PLA2G4A: variants seen among roughly 807,000 people sequenced by gnomAD.
The protein encoded by PLA2G4A is cytosolic phospholipase A2.
Under a neutral mutation model 81.9 loss-of-function variants are expected in PLA2G4A, and 40 were observed. The ratio of observed to expected loss-of-function variants is 0.49; its 90% CI spans 0.38 to 0.64. The LOEUF is 0.64. Ranked by LOEUF, PLA2G4A falls within the 30% of genes least tolerant of loss-of-function variation. PLA2G4A has a pLI of 0.00. For synonymous variants in PLA2G4A, 302 were observed against 296.9 expected, an observed-to-expected ratio of 1.02 and a Z score of -0.18; for missense variants, 715 against 905.1, an observed-to-expected ratio of 0.79 and a Z score of 2.69.
intron 7 of PLA2G4A, among the ~76,000 whole-genome samples, 191 bp from the exon 8 acceptor site, chr1:186,932,572 A>T (rs1038420872): frequency 6.6e-6 from 1 of 152,146 alleles, no homozygotes; most frequent in Non-Finnish European, 1.5e-5. Flanking sequence ...AAGTGCTGGA[A>T]TTACAGATGT....
At chr1:186,894,015 T>A (rs1047013611) in intron 4 of PLA2G4A, 83 bp from the exon 5 acceptor site, 2 of 744,214 alleles carry the variant, frequency 2.7e-6, no homozygotes, top group Non-Finnish European at 5.0e-6. Context: ...GCTTCATTTT[T>A]TTAAATGTGG....
chr1:186,949,438 ATACT>A (rs1185963108), intron 12 of PLA2G4A, among the ~76,000 whole-genome samples: 1 of 149,954 alleles, frequency 6.7e-6, no homozygotes, highest in Non-Finnish European at 1.5e-5. Flanking sequence ...AAGAAAGAAA[ATACT>A]TAAGGAAGGA....
intron 13 of PLA2G4A, among the ~76,000 whole-genome samples, chr1:186,955,282 G>T (rs1656705580): frequency 6.6e-6 from 1 of 152,108 alleles, no homozygotes; most frequent in African/African-American, 2.4e-5. Flanking sequence ...AGATCAATAG[G>T]TCATAAGGGT....
At chr1:186,924,165 AT>A (rs902821458) in intron 7 of PLA2G4A, among the ~76,000 whole-genome samples, 4 of 152,210 alleles carry the variant, frequency 2.6e-5, no homozygotes, top group African/African-American at 2.4e-5. Flanking sequence ...CCGTGTGGAT[AT>A]TTGCTATAAA....
intron 3 of PLA2G4A, among the ~76,000 whole-genome samples, chr1:186,873,458 G>T (rs142437943): frequency 6.6e-6 from 1 of 152,088 alleles, no homozygotes; most frequent in African/African-American, 2.4e-5. Flanking sequence ...TATTTATAAA[G>T]GTAGAGTTCC....
chr1:186,968,811 T>G (rs1657231399), intron 15 of PLA2G4A, among the ~76,000 whole-genome samples: 1 of 151,840 alleles, frequency 6.6e-6, no homozygotes, highest in Non-Finnish European at 1.5e-5. Flanking sequence ...CTAGAGAAGC[T>G]TCATCAATTT....
chr1:186,953,421 T>C (rs905606426), intron 13 of PLA2G4A, among the ~76,000 whole-genome samples: 2 of 152,240 alleles, frequency 1.3e-5, no homozygotes, highest in African/African-American at 4.8e-5. Context: ...GGTTATTTTC[T>C]TATTATTGAA....
chr1:186,830,957 GCTTTCTTTCTTTCTTTCTTT>G (rs71104890), intron 1 of PLA2G4A, among the ~76,000 whole-genome samples: 1,898 of 82,766 alleles, frequency 0.023, 42 homozygotes, highest in African/African-American at 0.067. Context: ...TTGCTTGCTT[GCTTTCTTTCTTTCTTTCTTT>G]CTTTCTTTCT....
intron 16 of PLA2G4A, among the ~76,000 whole-genome samples, chr1:186,978,113 G>A (rs141424703): frequency 6.6e-6 from 1 of 152,230 alleles, no homozygotes; most frequent in East Asian, 1.9e-4. Flanking sequence ...TTGTAAGAAA[G>A]CCCTTATTTC....
At chr1:186,884,384 G>C (rs568392754) in intron 3 of PLA2G4A, among the ~76,000 whole-genome samples, 3 of 151,486 alleles carry the variant, frequency 2.0e-5, no homozygotes, top group Non-Finnish European at 4.4e-5. Context: ...GTGGGTGGAG[G>C]GGAAGGATAG....
intron 9 of PLA2G4A, among the ~76,000 whole-genome samples, chr1:186,939,576 G>GAAT (rs1355177646): frequency 6.6e-6 from 1 of 151,792 alleles, no homozygotes; most frequent in East Asian, 1.9e-4. Context: ...AGATGAGGAA[G>GAAT]AATGAAGTTT....
intron 7 of PLA2G4A, among the ~76,000 whole-genome samples, chr1:186,918,702 G>T (rs769765976): frequency 1.3e-5 from 2 of 152,198 alleles, no homozygotes; most frequent in Admixed American, 6.5e-5. Flanking sequence ...AGTTATGCTC[G>T]CCCGGGCTCT....
At chr1:186,850,739 T>C (rs1652343498) in intron 1 of PLA2G4A, among the ~76,000 whole-genome samples, 1 of 152,038 alleles carries the variant, frequency 6.6e-6, no homozygotes, top group African/African-American at 2.4e-5. Context: ...TGTTTACTTT[T>C]TGAGGTTCCA....
chr1:186,924,291 C>T (rs1046758550), intron 7 of PLA2G4A, among the ~76,000 whole-genome samples: 6 of 152,200 alleles, frequency 3.9e-5, no homozygotes, highest in Non-Finnish European at 7.3e-5. Context: ...CCTTCACAAA[C>T]GTCTCCAACA....
Position 186,951,834 on chromosome 1 carries a change from C to T in PLA2G4A, c.1336+1106C>T, listed in dbSNP as rs78473185. On this transcript the variant is annotated intron_variant, in intron 13 of 17. Transcript: ENST00000367466. ...GAGGATTCCTTCCCTGGGCAGCCAA[C>T]GCTTTCATCTGGGCATGAGGCTTGG... 2.0e-3 allele frequency among the ~76,000 whole-genome samples: 297 copies of T among 152,146 alleles called. 2 individuals are homozygous for T. Among genetic ancestry groups the T allele is most frequent in the African/African-American group, 6.9e-3 (288 of 41,518 alleles).
intron 2 of PLA2G4A, among the ~76,000 whole-genome samples, chr1:186,863,821 C>T (rs1227581204): frequency 6.6e-6 from 1 of 150,858 alleles, no homozygotes; most frequent in African/African-American, 2.4e-5. Context: ...AGGGCAGTGG[C>T]ATGATCTCAG....
intron 7 of PLA2G4A, among the ~76,000 whole-genome samples, chr1:186,918,091 G>T (rs1407612033): frequency 6.6e-6 from 1 of 152,172 alleles, no homozygotes; most frequent in Non-Finnish European, 1.5e-5. Flanking sequence ...CCCCCTGTCT[G>T]GGTGGAAGAA....
At chr1:186,936,612 A>G (rs1002006082) in intron 8 of PLA2G4A, among the ~76,000 whole-genome samples, 1 of 151,998 alleles carries the variant, frequency 6.6e-6, no homozygotes, top group Non-Finnish European at 1.5e-5. Flanking sequence ...AAAATTCTAA[A>G]TGTTTAACCC....
chr1:186,835,827 A>G (rs1287544538), intron 1 of PLA2G4A, among the ~76,000 whole-genome samples: 4 of 152,224 alleles, frequency 2.6e-5, no homozygotes, highest in Non-Finnish European at 4.4e-5. Context: ...ATTCTAATTT[A>G]AAAGAGGCTT....
Sources: gnomAD v4.1 joint callset for allele counts (sites outside exome capture counted in the v4.1 genomes callset) on GRCh38, gnomAD v4.1.1 for gene constraint, MANE v1.5 for transcripts, NCBI Gene and HGNC (gene_info 2026-07-23, HGNC 2026-07-21) for gene names.